Variants in KLHL12 observed in about 807,000 individuals in gnomAD.
The protein encoded by KLHL12 is kelch like family member 12, also known as kelch-like protein 12.
A neutral mutation model predicts 60.8 loss-of-function variants in KLHL12; 17 were observed. That is an observed-to-expected ratio of 0.28 (90% CI 0.19 to 0.42). KLHL12 has a LOEUF of 0.42. KLHL12 is among the 10% of genes least tolerant of loss of function. The probability of loss-of-function intolerance (pLI) is 1.00; values close to 1 mark genes in which losing one functional copy is unlikely to be tolerated. For synonymous variants in KLHL12, 220 were observed against 250.9 expected (o/e 0.88, Z 1.16); for missense variants, 468 against 722.3 (o/e 0.65, Z 4.04).
Position 202,894,477 on chromosome 1 carries a change from C to G in KLHL12, c.1294+114G>C, listed in dbSNP as rs192330698. 1.2e-5 allele frequency: 13 copies of G among 1,061,020 alleles called. No individual in the cohort carries two copies. In the Admixed American group the frequency reaches 2.5e-4, roughly 20 times the overall value. 65.7% of individuals were successfully genotyped at this position (1,061,020 alleles called of 1,614,324 possible). A position where few individuals can be genotyped will look rare whatever the true frequency, so the allele number is the denominator to read the frequency against. On this transcript the variant is annotated intron_variant, in intron 9 of 11. Transcript: ENST00000367261. ...TTAATGGAAAATATATTAAGACACA[C>G]CAGGGTTTTAGTTGAAGGGAAGTCT...
intron 7 of KLHL12, among the ~76,000 whole-genome samples, chr1:202,896,258 TTCACTGCAACCTCGAAC>T (rs1162843277): frequency 2.6e-5 from 4 of 152,040 alleles, no homozygotes; most frequent in African/African-American, 7.2e-5. Context: ...ACAATCACAG[TTCACTGCAACCTCGAAC>T]TCCTGGGCTC....
At chr1:202,927,807 C>T (rs1430145634), upstream of KLHL12, among the ~76,000 whole-genome samples, 1 of 149,924 alleles carries the variant, frequency 6.7e-6, no homozygotes, top group Non-Finnish European at 1.5e-5. Context: ...TGGTGAAACC[C>T]TATCTCTACT....
intron 3 of KLHL12, among the ~76,000 whole-genome samples, 194 bp from the exon 4 acceptor site, chr1:202,918,582 C>T (rs987680062): frequency 6.6e-6 from 1 of 152,204 alleles, no homozygotes; most frequent in South Asian, 2.1e-4. Context: ...CCACTTTCAG[C>T]AAGACCTTTA....
intron 4 of KLHL12, among the ~76,000 whole-genome samples, chr1:202,917,693 A>G (rs1248737670): frequency 6.6e-6 from 1 of 152,196 alleles, no homozygotes; most frequent in Non-Finnish European, 1.5e-5. Flanking sequence ...CTTACTTTGT[A>G]TAGGCTCACT....
intron 3 of KLHL12, among the ~76,000 whole-genome samples, chr1:202,919,119 G>A (rs1393829622): frequency 6.6e-6 from 1 of 152,136 alleles, no homozygotes; most frequent in East Asian, 1.9e-4. Flanking sequence ...AGCTGGGTGT[G>A]GTGGCATGCA....
At chr1:202,904,890 G>A (rs1660135858) in intron 6 of KLHL12, among the ~76,000 whole-genome samples, 4 of 152,208 alleles carry the variant, frequency 2.6e-5, no homozygotes, top group African/African-American at 9.6e-5. Flanking sequence ...CTTTGAGACA[G>A]TAATGGGTAA....
At chr1:202,927,273 T>C (rs552770055), upstream of KLHL12, 17 of 976,870 alleles carry the variant, frequency 1.7e-5, no homozygotes, top group South Asian at 5.9e-4. Flanking sequence ...GCAATGCAGC[T>C]GGAGCACCGC....
In KLHL12 at chr1:202,925,033, A is replaced by G. The variant is rs1407731076; in HGVS notation, c.130T>C (p.Phe44Leu). 1 of 1,614,162 alleles carries G rather than the reference A, an allele frequency of 6.2e-7. No homozygotes were observed. Among genetic ancestry groups the G allele is most frequent in the Non-Finnish European group, 8.5e-7 (1 of 1,179,998 alleles). The change falls in exon 2 of 12, where the codon TTC becomes CTC. Residue 44 changes from phenylalanine (F) to leucine (L), a missense_variant. Around this residue, in one of 4 missense-constraint regions of KLHL12, gnomAD observed 61 missense variants for 59.9 expected, o/e 1.02. Transcript: ENST00000367261. ...DVTLRVEQKDFPAHRIVLAAC... is the reference protein window; with the variant it reads ...DVTLRVEQKDLPAHRIVLAAC... ...GCCAGCACAATCCGATGGGCAGGGA[A>G]GTCTTTCTGCTCTACTCTCAATGTC...
At chr1:202,911,458 CTCT>C (rs1660356112) in intron 4 of KLHL12, among the ~76,000 whole-genome samples, 1 of 26,806 alleles carries the variant, frequency 3.7e-5, no homozygotes, top group Non-Finnish European at 1.2e-4. Context: ...ATATATGTAT[CTCT>C]CTCTCTCTCT....
At chr1:202,912,659 C>T in intron 4 of KLHL12, 1 of 1,306,232 alleles carries the variant, frequency 7.7e-7, no homozygotes, top group South Asian at 1.2e-5. Context: ...AATACTCTGC[C>T]AAACCACGAA....
chr1:202,920,369 A>ATTTTTTTTTTTT lies in KLHL12; in HGVS notation c.196-473_196-462dup, dbSNP rs951695987. On this transcript the variant is annotated intron_variant, in intron 2 of 11. Transcript: ENST00000367261. ...ATAAAATTATGCTCTATTTTGTTGG[A>ATTTTTTTTTTTT]TTTTTTTTTTTTTTTTTTTTTTTTT... 1.4e-4 allele frequency among the ~76,000 whole-genome samples: 12 copies of ATTTTTTTTTTTT among 83,806 alleles called. 1 individual carries two copies. The highest frequency in any genetic ancestry group is 3.7e-4 in the East Asian group (1 of 2,696). The allele number at this position is 83,806 out of a possible 152,430, so 55.0% of individuals were successfully genotyped here.
intron 4 of KLHL12, among the ~76,000 whole-genome samples, chr1:202,913,189 A>G (rs1385512117): frequency 3.3e-5 from 5 of 152,150 alleles, no homozygotes; most frequent in Non-Finnish European, 1.5e-5. Flanking sequence ...AAGCATACAT[A>G]TGACCAATTA....
At position 202,920,369 on chromosome 1, in the gene KLHL12, A is replaced by ACTTT. The variant is rs1660650217; in HGVS notation, c.196-462_196-461insAAAG. ...ATAAAATTATGCTCTATTTTGTTGGATTTTTTTTTTTTTTTTTTTTTTTTT... is the reference window on the plus strand; with the variant it reads ...ATAAAATTATGCTCTATTTTGTTGGACTTTTTTTTTTTTTTTTTTTTTTTTTTTT... On this transcript the variant is annotated intron_variant, in intron 2 of 11. Transcript: ENST00000367261. 8.4e-5 allele frequency among the ~76,000 whole-genome samples: 7 copies of ACTTT among 83,826 alleles called. No individual in the cohort carries two copies. In the South Asian group the frequency reaches 3.2e-3, roughly 38 times the overall value. The allele number at this position is 83,826 out of a possible 152,430, so 55.0% of individuals were successfully genotyped here.
upstream of KLHL12, chr1:202,927,276 A>G (rs1653631368): frequency 1.0e-6 from 1 of 975,222 alleles, no homozygotes; most frequent in Non-Finnish European, 1.2e-6. Flanking sequence ...ATGCAGCTGG[A>G]GCACCGCCCT....
At chr1:202,906,848 C>A (rs1571526682) in intron 6 of KLHL12, among the ~76,000 whole-genome samples, 1 of 151,880 alleles carries the variant, frequency 6.6e-6, no homozygotes, top group Non-Finnish European at 1.5e-5. Flanking sequence ...TTTTAGTAGA[C>A]ATGGGGTTTC....
At chr1:202,923,644 C>T (rs1016591618) in intron 2 of KLHL12, among the ~76,000 whole-genome samples, 1 of 152,192 alleles carries the variant, frequency 6.6e-6, no homozygotes, top group African/African-American at 2.4e-5. Context: ...CTAGCACTTA[C>T]AAGCCATGGG....
At position 202,895,535 on chromosome 1, in the gene KLHL12, G is replaced by T; in HGVS notation, c.1122C>A (p.Ala374=). 6.2e-7 allele frequency: 1 copy of T among 1,613,528 alleles called. No individual in the cohort carries two copies. Among genetic ancestry groups the T allele is most frequent in the Non-Finnish European group, 8.5e-7 (1 of 1,179,708 alleles). The change falls in exon 8 of 12, where the codon GCC becomes GCA. Residue 374 remains alanine (A), a synonymous_variant. Transcript: ENST00000367261. This position sits in a 1 kb window ranked among gnomAD's most constrained non-coding sequence, Gnocchi z 4.2. The stretch of plus-strand genomic sequence containing the variant: ...CATCCAGCCTACCTCCCAGGGTGGT[G>T]GCTCCAGCAAGACCTCGTCGGACAT... ...PMNVRRGLAG[A]TTLGDMIYVS... is the part of the protein sequence containing the mutation.
intron 4 of KLHL12, among the ~76,000 whole-genome samples, chr1:202,917,456 T>TCCC (rs1660557475): frequency 6.6e-6 from 1 of 150,696 alleles, no homozygotes; most frequent in Non-Finnish European, 1.5e-5. Context: ...CAAGCAGTTC[T>TCCC]GCCTCAGCCT....
chr1:202,918,092 G>A (rs1660576336), intron 4 of KLHL12, 79 bp downstream of exon 4: 1 of 1,001,888 alleles, frequency 1.0e-6, no homozygotes, highest in African/African-American at 1.6e-5. Context: ...AAGCCCTGAT[G>A]GTAAGTAACT....
Sources: allele counts gnomAD v4.1 joint callset (sites outside exome capture counted in the v4.1 genomes callset), GRCh38; gene constraint gnomAD v4.1.1; regional missense constraint gnomAD v4.1.1; non-coding constraint Gnocchi (gnomAD v3.1); transcripts MANE v1.5; gene names NCBI Gene and HGNC (gene_info 2026-07-23, HGNC 2026-07-21).